RP1L1: variants seen among roughly 807,000 people sequenced by gnomAD.
RP1L1 encodes the protein retinitis pigmentosa 1-like 1 protein.
In RP1L1, 27 loss-of-function variants were observed where a neutral mutation model predicts 15.7. That is an observed-to-expected ratio of 1.72 (90% CI 1.27 to 2.38). The LOEUF is 2.38. Ranked by LOEUF, RP1L1 falls within the 30% of genes most tolerant of loss-of-function variation. RP1L1 has a pLI of 0.00. For synonymous variants in RP1L1, 1,813 were observed against 1,276.7 expected (o/e 1.42, Z -8.96); for missense variants, 4,798 against 3,075.9 (o/e 1.56, Z -13.24).
rs1316035194 is a variant in RP1L1, at chr8:10,612,673, G to C, written c.1425C>G (p.Thr475=). The change falls in exon 4 of 4, where the codon ACC becomes ACG. Residue 475 remains threonine, a synonymous_variant. Coordinates refer to ENST00000382483, the MANE Select transcript of RP1L1 (RefSeq NM_178857.6). ...TGGCACTGTCCACCCCGTCCTCCGG[G>C]GTCCTGGGGCAGCAGGAGGACTCTG... is the stretch of plus-strand genomic sequence containing the variant. ...SEPESSCCPR[T]PEDGVDSASP... The C allele has an allele frequency of 6.2e-7, 1 of 1,601,742 alleles. No individual in the cohort carries two copies. The highest frequency in any genetic ancestry group is 1.3e-5 in the African/African-American group (1 of 74,806).
chr8:10,607,295 C>G lies in RP1L1; in HGVS notation c.6803G>C (p.Ser2268Thr), dbSNP rs1302604505. The G allele has an allele frequency of 1.2e-6, 2 of 1,614,202 alleles. No individual in the cohort carries two copies. Among genetic ancestry groups the G allele is most frequent in the Non-Finnish European group, 1.7e-6 (2 of 1,180,026 alleles). ...GDGQSEEASE[S>T]SSPVPEDRPT... Reference sequence around the variant, plus strand: ...CCTGTCCTCAGGGACTGGGCTGCTGCTTTCAGAAGCCTCCTCAGATTGGCC... The same window carrying G: ...CCTGTCCTCAGGGACTGGGCTGCTGGTTTCAGAAGCCTCCTCAGATTGGCC... The change falls in exon 4 of 4, where the codon AGC becomes ACC. Residue 2268 changes from serine to threonine, a missense_variant. Physicochemically the swap from Ser to Thr is moderately conservative, Grantham distance 58 (BLOSUM62 1). Coordinates refer to ENST00000382483, the MANE Select transcript of RP1L1 (RefSeq NM_178857.6).
chr8:10,628,003 C>T (rs991228957), intron 1 of RP1L1, among the ~76,000 whole-genome samples: 10 of 152,232 alleles, frequency 6.6e-5, no homozygotes, highest in African/African-American at 2.4e-4. Context: ...AGGCTCATGC[C>T]TCCTGGCATT....
intron 1 of RP1L1, among the ~76,000 whole-genome samples, chr8:10,650,657 C>T (rs904231470): frequency 6.6e-6 from 1 of 151,618 alleles, no homozygotes; most frequent in Non-Finnish European, 1.5e-5. Flanking sequence ...ACCCAGGGTT[C>T]AAGTGATTCT....
chr8:10,628,379 C>G (rs1223326545), intron 1 of RP1L1, among the ~76,000 whole-genome samples: 6 of 152,064 alleles, frequency 3.9e-5, no homozygotes, highest in Non-Finnish European at 8.8e-5. Context: ...TGAATAACAC[C>G]AATGCCCCTC....
At chr8:10,634,163 A>G (rs1208787368) in intron 1 of RP1L1, among the ~76,000 whole-genome samples, 1 of 152,180 alleles carries the variant, frequency 6.6e-6, no homozygotes, top group Admixed American at 6.5e-5. Context: ...CAGGCCACAC[A>G]GCACCTGCCA....
At chr8:10,637,277 G>C (rs948329275) in intron 1 of RP1L1, among the ~76,000 whole-genome samples, 1 of 152,150 alleles carries the variant, frequency 6.6e-6, no homozygotes, top group Non-Finnish European at 1.5e-5. Flanking sequence ...GAGTGGCAAG[G>C]TCCTCTCACC....
intron 1 of RP1L1, among the ~76,000 whole-genome samples, chr8:10,633,395 T>G (rs897313398): frequency 6.6e-6 from 1 of 151,994 alleles, no homozygotes; most frequent in African/African-American, 2.4e-5. Context: ...GGACAAAGGG[T>G]AGATCTGGGG....
At position 10,611,210 on chromosome 8, in the gene RP1L1, T is replaced by C. The variant is rs746299127; in HGVS notation, c.2888A>G (p.Asn963Ser). 3 of 1,613,004 alleles carry C rather than the reference T, an allele frequency of 1.9e-6. No individual in the cohort carries two copies. Among genetic ancestry groups the C allele is most frequent in the Admixed American group, 3.3e-5 (2 of 60,032 alleles). ...CATGAGTATGGGCTCTTCTGGAATG[T>C]TGTCCAGCCATTCGCGGACCACAGC... ...PEAVVREWLD[N>S]IPEEPILMTY... Residue 963 changes from asparagine (N) to serine (S), a missense_variant, in exon 4 of 4, where the codon AAC (asparagine) becomes AGC (serine). Physicochemically the swap from Asn to Ser is conservative, Grantham distance 46 (BLOSUM62 1). Coordinates refer to ENST00000382483, the MANE Select transcript of RP1L1 (RefSeq NM_178857.6).
In RP1L1 at chr8:10,609,196, C is replaced by T. The variant is rs1481021020; in HGVS notation, c.4902G>A (p.Glu1634=). ...GGGCTGTGCTGAGGGCTGGCTCGTC[C>T]TCCAGGGTGAAGGAGAGGGGCCCCA... ...LGLGPLSFTL[E]DEPALSTALG... is the part of the protein sequence containing the mutation. The change falls in exon 4 of 4, where the codon GAG becomes GAA. Residue 1634 remains glutamate (E), a synonymous_variant. Transcript: ENST00000382483. The T allele has an allele frequency of 1.2e-6, 2 of 1,611,648 alleles. No homozygotes were observed. The highest frequency in any genetic ancestry group is 1.3e-5 in the African/African-American group (1 of 75,064).
chr8:10,611,105 T>G lies in RP1L1; in HGVS notation c.2993A>C (p.His998Pro). 1 of 1,612,872 alleles carries G rather than the reference T, an allele frequency of 6.2e-7. No individual in the cohort carries two copies. ...TGGCTCCCCCAGGCCTTCCAGAGAA[T>G]GGTCATCCCCAGGGTCCACCTCGGG... Reference protein sequence around the residue: ...RGPEVDPGDDHSLEGLGEPAQ... With the variant: ...RGPEVDPGDDPSLEGLGEPAQ... The change falls in exon 4 of 4, where the codon CAT (histidine) becomes CCT (proline). Residue 998 changes from histidine to proline, a missense_variant. Transcript: ENST00000382483.
intron 1 of RP1L1, among the ~76,000 whole-genome samples, chr8:10,624,812 G>A (rs542836256): frequency 1.9e-4 from 29 of 152,162 alleles, no homozygotes; most frequent in African/African-American, 5.1e-4. Flanking sequence ...TCCACGAGCC[G>A]ACAATTCTCT....
chr8:10,608,310 C>T lies in RP1L1; in HGVS notation c.5788G>A (p.Glu1930Lys). 6.2e-7 allele frequency: 1 copy of T among 1,613,712 alleles called. No homozygotes were observed. Among genetic ancestry groups the T allele is most frequent in the Non-Finnish European group, 8.5e-7 (1 of 1,179,946 alleles). The change falls in exon 4 of 4, where the codon GAG (glutamate) becomes AAG (lysine). Residue 1930 changes from glutamate to lysine, a missense_variant. Glu to Lys is a moderately conservative substitution (Grantham distance 56). Coordinates refer to ENST00000382483, the MANE Select transcript of RP1L1 (RefSeq NM_178857.6). The stretch of plus-strand genomic sequence containing the variant: ...GCACCTTCTGACTCTGGCTCGTCCT[C>T]CCCTTCAGTCTCCAGGGCCTCTACA... ...ESVEALETEG[E>K]DEPESEGAEA...
At chr8:10,643,944 T>TTGG (rs1336982546) in intron 1 of RP1L1, among the ~76,000 whole-genome samples, 1 of 151,616 alleles carries the variant, frequency 6.6e-6, no homozygotes, top group Non-Finnish European at 1.5e-5. Context: ...ATCAAGCAGG[T>TTGG]AGACATGGCC....
chr8:10,646,114 G>A (rs1798474113), intron 1 of RP1L1, among the ~76,000 whole-genome samples: 1 of 152,214 alleles, frequency 6.6e-6, no homozygotes, highest in Non-Finnish European at 1.5e-5. Context: ...AGGCTGCACT[G>A]GGAAGGGCAG....
chr8:10,617,695 T>C (rs1417404767), intron 2 of RP1L1, among the ~76,000 whole-genome samples: 1 of 151,736 alleles, frequency 6.6e-6, no homozygotes, highest in Non-Finnish European at 1.5e-5. Context: ...TAGCTGGGAC[T>C]ACAGGTGCCC....
At chr8:10,626,077 C>T (rs1798152841) in intron 1 of RP1L1, among the ~76,000 whole-genome samples, 1 of 152,166 alleles carries the variant, frequency 6.6e-6, no homozygotes, top group South Asian at 2.1e-4. Flanking sequence ...AGGAAATGCT[C>T]CAAGAGTTGA....
At chr8:10,616,356 T>C (rs1797964596) in intron 3 of RP1L1, 90 bp downstream of exon 3, 1 of 1,566,414 alleles carries the variant, frequency 6.4e-7, no homozygotes, top group Admixed American at 1.7e-5. Context: ...AAAGGGAAGT[T>C]TCCTGAATTA....
chr8:10,621,911 A>G, intron 2 of RP1L1: 1 of 400,694 alleles, frequency 2.5e-6, no homozygotes. Flanking sequence ...TGGCTTCCCA[A>G]ACATGAAGCC....
At position 10,607,039 on chromosome 8, in the gene RP1L1, T is replaced by C. The variant is rs1486941917; in HGVS notation, c.7059A>G (p.Glu2353=). 1 of 1,614,242 alleles carries C rather than the reference T, an allele frequency of 6.2e-7. No individual in the cohort carries two copies. The highest frequency in any genetic ancestry group is 8.5e-7 in the Non-Finnish European group (1 of 1,180,044). The change falls in exon 4 of 4, where the codon GAA becomes GAG. Residue 2353 remains glutamate, a synonymous_variant. Coordinates refer to ENST00000382483, the MANE Select transcript of RP1L1 (RefSeq NM_178857.6). ...MYPESSTSEQ[E]EAPLGSRTPE... is the part of the protein sequence containing the mutation. ...GAGTCCTTGAGCCCAAAGGGGCCTCTTCTTGCTCAGAAGTAGAACTTTCTG... is the reference window on the plus strand; with the variant it reads ...GAGTCCTTGAGCCCAAAGGGGCCTCCTCTTGCTCAGAAGTAGAACTTTCTG...
Sources: gnomAD v4.1 joint callset for allele counts (sites outside exome capture counted in the v4.1 genomes callset) on GRCh38, gnomAD v4.1.1 for gene constraint, MANE v1.5 for transcripts, NCBI Gene and HGNC (gene_info 2026-07-23, HGNC 2026-07-21) for gene names.